Variants in ABCC2 observed in about 807,000 individuals in gnomAD.
The protein encoded by ABCC2 is ATP-binding cassette sub-family C member 2.
A neutral mutation model predicts 173.4 loss-of-function variants in ABCC2; 157 were observed. That is an observed-to-expected ratio of 0.91 (90% CI 0.80 to 1.03). ABCC2 has a LOEUF of 1.03. Among genes scored for constraint, ABCC2 ranks in the 50% least tolerant of loss-of-function variants. The pLI is 0.00. For missense variants in ABCC2, 1,822 were observed against 1,852.3 expected (o/e 0.98, Z 0.30); for synonymous variants, 657 against 693.5 (o/e 0.95, Z 0.83).
intron 26 of ABCC2, 118 bp from the exon 27 acceptor site, chr10:99,843,681 C>T: frequency 1.2e-6 from 1 of 867,446 alleles, no homozygotes; most frequent in East Asian, 2.4e-5. Flanking sequence ...TCCTTACTCC[C>T]TTGTAGAGTC....
At chr10:99,844,539 T>C in intron 28 of ABCC2, 74 bp downstream of exon 28, 3 of 1,584,890 alleles carry the variant, frequency 1.9e-6, no homozygotes, top group Non-Finnish European at 2.6e-6. Context: ...GGAGAGCAGC[T>C]GGGCCCTAAG....
At position 99,830,207 on chromosome 10, in the gene ABCC2, G is replaced by A. The variant is rs534528500; in HGVS notation, c.2621-100G>A. The stretch of plus-strand genomic sequence containing the variant: ...GCTGTATGTACATCTGGGATCCCTT[G>A]CTGAAACCAGCAAGATCAGAGGAGG... On this transcript the variant is annotated intron_variant, in intron 19 of 31. Transcript: ENST00000647814. 13 of 1,479,662 alleles carry A rather than the reference G, an allele frequency of 8.8e-6. No individual in the cohort carries two copies. In the African/African-American group the frequency reaches 1.8e-4, roughly 20 times the overall value. The allele number at this position is 1,479,662 out of a possible 1,614,324, so 91.7% of individuals were successfully genotyped here. A position where few individuals can be genotyped will look rare whatever the true frequency, so the allele number is the denominator to read the frequency against.
chr10:99,831,660 C>T lies in ABCC2; in HGVS notation c.2933C>T (p.Ser978Leu), dbSNP rs763988128. The change falls in exon 22 of 32, where the codon TCG becomes TTG. Residue 978 changes from serine (S) to leucine (L), a missense_variant. By Grantham distance (145) the Ser-to-Leu change is moderately radical (BLOSUM62 -2). Coordinates refer to ENST00000647814, the MANE Select transcript of ABCC2 (RefSeq NM_000392.5). ...TACCTACAAGCAATAGGATTGTTTT[C>T]GATATTCTTCATCATCCTTGCGTTT... ...LEYLQAIGLF[S>L]IFFIILAFVM... 13 of 1,614,046 alleles carry T rather than the reference C, an allele frequency of 8.1e-6. No individual in the cohort carries two copies. Among genetic ancestry groups the T allele is most frequent in the Admixed American group, 1.7e-5 (1 of 60,012 alleles).
chr10:99,807,045 A>G (rs1401969112), intron 11 of ABCC2, among the ~76,000 whole-genome samples: 1 of 152,250 alleles, frequency 6.6e-6, no homozygotes, highest in African/African-American at 2.4e-5. Flanking sequence ...TGAAGATAAT[A>G]ACTCTACAAA....
At chr10:99,795,718 GAGAAGAAAGAAAGAAAGAAGGAAA>G (rs1469370728) in intron 6 of ABCC2, among the ~76,000 whole-genome samples, 1 of 132,106 alleles carries the variant, frequency 7.6e-6, no homozygotes, top group Non-Finnish European at 1.6e-5. Flanking sequence ...GAGAGAGAGA[GAGAAGAAAGAAAGAAAGAAGGAAA>G]GAAAGAAAGA....
chr10:99,790,833 G>T (rs1054827591), intron 2 of ABCC2, among the ~76,000 whole-genome samples: 4 of 152,096 alleles, frequency 2.6e-5, no homozygotes, highest in African/African-American at 9.7e-5. Flanking sequence ...CTCCTTTCTT[G>T]GCTGGTTTTC....
In ABCC2 at chr10:99,814,341, A is replaced by ATACACACGTATG. The variant is rs1564684576; in HGVS notation, c.2094+1199_2094+1200insCACACGTATGTA. Among the ~76,000 whole-genome samples the ATACACACGTATG allele has an allele frequency of 4.8e-4, 68 of 141,694 alleles. 23 individuals carry two copies. The highest frequency in any genetic ancestry group is 1.0e-3 in the Non-Finnish European group (66 of 63,454). 93.0% of individuals were successfully genotyped at this position (141,694 alleles called of 152,430 possible). A position where few individuals can be genotyped will look rare whatever the true frequency, so the allele number is the denominator to read the frequency against. ...CACACGTATGTATACACACATGTAT[A>ATACACACGTATG]TATACACACGTATGTATACACACAT... On this transcript the variant is annotated intron_variant, in intron 16 of 31. Coordinates refer to ENST00000647814, the MANE Select transcript of ABCC2 (RefSeq NM_000392.5).
chr10:99,821,213 C>A (rs1013250620), intron 19 of ABCC2, among the ~76,000 whole-genome samples: 1 of 152,256 alleles, frequency 6.6e-6, no homozygotes, highest in African/African-American at 2.4e-5. Context: ...GCTTGTCCCA[C>A]CTCCAGCCCT....
At chr10:99,782,951 G>T (rs1265657103) in intron 1 of ABCC2, 74 bp downstream of exon 1, 10 of 1,502,778 alleles carry the variant, frequency 6.7e-6, no homozygotes, top group African/African-American at 1.4e-5. Flanking sequence ...AACTTAGGGT[G>T]GTCACCAACA....
chr10:99,845,754 T>C lies in ABCC2; in HGVS notation c.4118T>C (p.Leu1373Pro). 1.9e-6 allele frequency: 3 copies of C among 1,611,256 alleles called. No individual in the cohort carries two copies. Among genetic ancestry groups the C allele is most frequent in the Non-Finnish European group, 2.5e-6 (3 of 1,179,090 alleles). The stretch of plus-strand genomic sequence containing the variant: ...ATTGCTTCCATTGGGCTCCACGACC[T>C]CCGAGAGAAGCTGACCATCATCCCC... ...VDIASIGLHD[L>P]REKLTIIPQD... is the part of the protein sequence containing the mutation. Residue 1373 changes from leucine (L) to proline (P), a missense_variant, in exon 29 of 32, where the codon CTC (leucine) becomes CCC (proline). By Grantham distance (98) the Leu-to-Pro change is moderately conservative (BLOSUM62 -3). Transcript: ENST00000647814.
chr10:99,831,772 TC>T lies in ABCC2; in HGVS notation c.3047del (p.Pro1016GlnfsTer7). The T allele has an allele frequency of 6.2e-7, 1 of 1,614,224 alleles. No individual in the cohort carries two copies. The highest frequency in any genetic ancestry group is 1.6e-4 in the Middle Eastern group (1 of 6,062). ...DSKIFNSTDY[P>X]ASQRDMRVGV... ...CTAAAATCTTCAATAGCACCGACTA[TC>T]CAGCATCTCAGAGGGACATGAGAGT... On this transcript the variant is annotated frameshift_variant, in exon 22 of 32. Transcript: ENST00000647814. LOFTEE classifies it high-confidence loss of function.
intron 2 of ABCC2, among the ~76,000 whole-genome samples, chr10:99,787,252 C>A (rs1036494181): frequency 1.3e-5 from 2 of 152,054 alleles, no homozygotes; most frequent in East Asian, 3.9e-4. Flanking sequence ...TTATCTTTAA[C>A]CCCGTCTCCT....
At chr10:99,849,929 A>C (rs2133157058) in intron 30 of ABCC2, among the ~76,000 whole-genome samples, 1 of 152,332 alleles carries the variant, frequency 6.6e-6, no homozygotes, top group Middle Eastern at 3.4e-3. Context: ...CCTTCATTAC[A>C]GGCTTTTAGC....
intron 11 of ABCC2, among the ~76,000 whole-genome samples, chr10:99,806,612 C>T (rs1385655727): frequency 6.6e-6 from 1 of 152,080 alleles, no homozygotes; most frequent in Non-Finnish European, 1.5e-5. Context: ...TTCTGTTATT[C>T]CCTTGACATT....
chr10:99,832,594 T>C (rs2038759353), intron 23 of ABCC2, among the ~76,000 whole-genome samples: 1 of 152,142 alleles, frequency 6.6e-6, no homozygotes, highest in Non-Finnish European at 1.5e-5. Context: ...GGAACATAAA[T>C]AAAAGCACTG....
Position 99,814,268 on chromosome 10 carries a change from TATACACAC to T in ABCC2, c.2094+1125_2094+1132del, listed in dbSNP as rs1230203435. ...ACACACGTATGTATACACACGTATGTATACACACGTATGTATACACACACGTATGTATA... is the reference window on the plus strand; with the variant it reads ...ACACACGTATGTATACACACGTATGTGTATGTATACACACACGTATGTATA... On this transcript the variant is annotated intron_variant, in intron 16 of 31. Transcript: ENST00000647814. Among the ~76,000 whole-genome samples, 299 of 40,012 alleles carry T rather than the reference TATACACAC, an allele frequency of 7.5e-3. 6 individuals are homozygous for T. The highest frequency in any genetic ancestry group is 0.029 in the East Asian group (31 of 1,064). The allele number at this position is 40,012 out of a possible 152,430, so 26.2% of individuals were successfully genotyped here.
Position 99,852,312 on chromosome 10 carries a change from A to T in ABCC2, c.*681A>T, listed in dbSNP as rs2039096931. On this transcript the variant is annotated 3_prime_UTR_variant, in exon 32 of 32. Transcript: ENST00000647814. ...AGCTGATGCCAAACTGGTAATGCCA[A>T]CTGAAAACATTGCTGTCAATCTGAT... 6.6e-6 allele frequency: 1 copy of T among 152,320 alleles called. No individual in the cohort carries two copies. Among genetic ancestry groups the T allele is most frequent in the Non-Finnish European group, 1.5e-5 (1 of 68,102 alleles). 9.4% of individuals were successfully genotyped at this position (152,320 alleles called of 1,614,324 possible). A position where few individuals can be genotyped will look rare whatever the true frequency, so the allele number is the denominator to read the frequency against.
chr10:99,813,986 T>C (rs553813431), intron 16 of ABCC2, among the ~76,000 whole-genome samples: 1 of 152,078 alleles, frequency 6.6e-6, no homozygotes, highest in East Asian at 1.9e-4. Context: ...TCTTCCTCCT[T>C]TGAGAGCTAA....
At chr10:99,820,712 G>C (rs1198809896) in intron 19 of ABCC2, among the ~76,000 whole-genome samples, 2 of 152,156 alleles carry the variant, frequency 1.3e-5, no homozygotes, top group Admixed American at 1.3e-4. Context: ...CAGGAGAGTG[G>C]GGCAGGAGTA....
Sources: gnomAD v4.1 joint callset for allele counts (sites outside exome capture counted in the v4.1 genomes callset) on GRCh38, gnomAD v4.1.1 for gene constraint, MANE v1.5 for transcripts, NCBI Gene and HGNC (gene_info 2026-07-23, HGNC 2026-07-21) for gene names.